The following MYH6 variants were observed in gnomAD, a reference collection of about 807,000 sequenced individuals.
MYH6 encodes the protein myosin-6.
A neutral mutation model predicts 223.2 loss-of-function variants in MYH6; 126 were observed. That is an observed-to-expected ratio of 0.56 (90% CI 0.49 to 0.65). The LOEUF (loss-of-function observed/expected upper bound fraction) is 0.65. Ranked by LOEUF, MYH6 falls within the 30% of genes least tolerant of loss-of-function variation. The pLI is 0.00. For synonymous variants in MYH6, 978 were observed against 1,010.2 expected (o/e 0.97, Z 0.61); for missense variants, 2,040 against 2,536.4 (o/e 0.80, Z 4.20).
At position 23,402,790 on chromosome 14, in the gene MYH6, C is replaced by T. The variant is rs17091623; in HGVS notation, c.909G>A (p.Leu303=). The change falls in exon 11 of 39, where the codon CTG becomes CTA. Residue 303 remains leucine (L), a synonymous_variant. Coordinates refer to ENST00000405093, the MANE Select transcript of MYH6 (RefSeq NM_002471.4). ...NKKPELLDML[L]VTNNPYDYAF... is the part of the protein sequence containing the mutation. ...CGTAGTCGTAGGGATTGTTGGTGAC[C>T]AGCAGCATGTCTGCACCAGGCAAGG... is the stretch of plus-strand genomic sequence containing the variant. The T allele has an allele frequency of 5.4e-3, 8,635 of 1,611,546 alleles. 314 individuals are homozygous for T. In the African/African-American group the frequency reaches 0.087, roughly 16 times the overall value.
intron 3 of MYH6, among the ~76,000 whole-genome samples, chr14:23,406,265 G>C (rs1231288364): frequency 6.6e-6 from 1 of 152,224 alleles, no homozygotes; most frequent in Non-Finnish European, 1.5e-5. Context: ...ATTGGCAGCA[G>C]TCAGTTTGCC....
Position 23,405,111 on chromosome 14 carries a change from G to A in MYH6, c.519C>T (p.Ser173=). 6.2e-7 allele frequency: 1 copy of A among 1,614,024 alleles called. No homozygotes were observed. The highest frequency in any genetic ancestry group is 8.5e-7 in the Non-Finnish European group (1 of 1,180,038). The part of the protein sequence containing the change: ...QYMLTDRENQ[S]ILITGESGAG... ...TGGCACTCGCTCACGTGATGAGGAT[G>A]GACTGGTTCTCCCGATCTGGAAGAA... The change falls in exon 6 of 39, where the codon TCC becomes TCT. Residue 173 remains serine, a synonymous_variant. Coordinates refer to ENST00000405093, the MANE Select transcript of MYH6 (RefSeq NM_002471.4). This position sits in a 1 kb window ranked among gnomAD's most constrained non-coding sequence, Gnocchi z 4.7.
intron 23 of MYH6, 46 bp from the exon 24 acceptor site, chr14:23,393,103 C>A (rs532706566): frequency 1.2e-6 from 2 of 1,612,322 alleles, no homozygotes; most frequent in East Asian, 4.5e-5. Context: ...ACATGAAATC[C>A]ATAGTGTATG....
In MYH6 at chr14:23,400,730, G is replaced by T. The variant is rs771613733; in HGVS notation, c.1389C>A (p.Ile463=). 1.2e-6 allele frequency: 2 copies of T among 1,614,250 alleles called. No homozygotes were observed. The highest frequency in any genetic ancestry group is 1.7e-6 in the Non-Finnish European group (2 of 1,180,052). The part of the protein sequence containing the change: ...PRQYFIGVLD[I]AGFEIFDFNS... ...TCACGTCGAAGATCTCGAAGCCAGC[G>T]ATGTCCAGGACTCCTATGAAGTACT... The change falls in exon 13 of 39, where the codon ATC becomes ATA. Residue 463 remains isoleucine (I), a synonymous_variant. Transcript: ENST00000405093.
In MYH6 at chr14:23,405,726, G is replaced by A. The variant is rs1200929535; in HGVS notation, c.246C>T (p.Pro82=). The change falls in exon 4 of 39, where the codon CCC becomes CCT. Residue 82 remains proline (P), a synonymous_variant. Transcript: ENST00000405093. This position sits in a 1 kb window ranked among gnomAD's most constrained non-coding sequence, Gnocchi z 4.7. ...CCATGTCCTCAATCTTGTCGAACTT[G>A]GGTGGGTTCTGCTGCAACACCTGGT... ...KEDQVLQQNP[P]KFDKIEDMAM... 1.2e-6 allele frequency: 2 copies of A among 1,614,164 alleles called. No homozygotes were observed. Among genetic ancestry groups the A allele is most frequent in the Non-Finnish European group, 8.5e-7 (1 of 1,180,026 alleles).
At position 23,399,837 on chromosome 14, in the gene MYH6, G is replaced by A. The variant is rs1236862555; in HGVS notation, c.1581+419C>T. The A allele has an allele frequency of 1.4e-5, 4 of 277,248 alleles. 1 individual carries two copies. The highest frequency in any genetic ancestry group is 1.3e-3 in the Middle Eastern group (1 of 776). 17.2% of individuals were successfully genotyped at this position (277,248 alleles called of 1,614,324 possible). A position where few individuals can be genotyped will look rare whatever the true frequency, so the allele number is the denominator to read the frequency against. On this transcript the variant is annotated intron_variant, in intron 14 of 38. Coordinates refer to ENST00000405093, the MANE Select transcript of MYH6 (RefSeq NM_002471.4). ...TCAGCCCCAGCCTATGGGGCCTCCC[G>A]CCTGCGGCCTTGTCTCTTCTGAGGA...
rs778761305 is a variant in MYH6 at position 23,390,371 on chromosome 14, C to G, written c.3418G>C (p.Asp1140His). ...ARAKVEKLRS[D>H]LSRELEEISE... The stretch of plus-strand genomic sequence containing the variant: ...ATCTCCTCCAGCTCCCGAGACAGGT[C>G]TGAGCGCAGCTTCTCCACCTTAGCC... The change falls in exon 26 of 39, where the codon GAC becomes CAC. Residue 1140 changes from aspartate to histidine, a missense_variant. Coordinates refer to ENST00000405093, the MANE Select transcript of MYH6 (RefSeq NM_002471.4). 6 of 1,606,794 alleles carry G rather than the reference C, an allele frequency of 3.7e-6. No individual in the cohort carries two copies. The East Asian group carries it at 6.7e-5, about 18-fold the overall frequency.
At chr14:23,382,368 C>T (rs1206729680) in intron 38 of MYH6, 60 bp downstream of exon 38, 4 of 1,610,944 alleles carry the variant, frequency 2.5e-6, no homozygotes, top group Non-Finnish European at 3.4e-6. Context: ...CTGAAGGGCA[C>T]CCATATCAGG....
intron 3 of MYH6, among the ~76,000 whole-genome samples, chr14:23,406,300 C>T (rs1891784950): frequency 6.6e-6 from 1 of 152,158 alleles, no homozygotes; most frequent in African/African-American, 2.4e-5. Context: ...TTAGATCCTG[C>T]CAGTAGGTAT....
At chr14:23,406,570 C>T (rs1365264111) in intron 3 of MYH6, among the ~76,000 whole-genome samples, 1 of 152,168 alleles carries the variant, frequency 6.6e-6, no homozygotes, top group East Asian at 1.9e-4. Context: ...GAGTGCCAGT[C>T]AAGGAGAGTG....
At chr14:23,388,681 G>A (rs968735178) in intron 29 of MYH6, 178 bp downstream of exon 29, 1 of 1,083,796 alleles carries the variant, frequency 9.2e-7, no homozygotes, top group Admixed American at 1.7e-5. Context: ...AAGTGGGTCA[G>A]GGCCAGCCAG....
Position 23,398,831 on chromosome 14 carries a change from T to C in MYH6, c.1788A>G (p.Glu596=), listed in dbSNP as rs1595060502. The stretch of plus-strand genomic sequence containing the variant: ...TCTCGTTGAGAGGATCCTTGTTTTT[T>C]TCCAGCCAGCCCAGGATGTTGTAGT... ...TVDYNILGWL[E]KNKDPLNETV... Residue 596 remains glutamate, a synonymous_variant, in exon 15 of 39, where the codon GAA becomes GAG. Transcript: ENST00000405093. 5 of 1,614,206 alleles carry C rather than the reference T, an allele frequency of 3.1e-6. No homozygotes were observed. In the East Asian group the frequency reaches 1.1e-4, roughly 36 times the overall value.
chr14:23,389,072 G>GGGGGGGGGGC lies in MYH6; in HGVS notation c.3979-18_3979-17insGCCCCCCCCC. The GGGGGGGGGGC allele has an allele frequency of 4.4e-6, 5 of 1,135,142 alleles. No homozygotes were observed. The highest frequency in any genetic ancestry group is 5.2e-6 in the Non-Finnish European group (4 of 774,124). 70.3% of individuals were successfully genotyped at this position (1,135,142 alleles called of 1,614,324 possible). ...GTTCTTCGCCTGGGGAGGGGGGGGG[G>GGGGGGGGGGC]CACCAGGAGGTGGGAGGGACTCCCT... On this transcript the variant is annotated splice_polypyrimidine_tract_variant and intron_variant, in intron 28 of 38. Coordinates refer to ENST00000405093, the MANE Select transcript of MYH6 (RefSeq NM_002471.4).
intron 15 of MYH6, among the ~76,000 whole-genome samples, chr14:23,398,445 C>G (rs367998911): frequency 5.3e-4 from 81 of 152,344 alleles, no homozygotes; most frequent in African/African-American, 1.8e-3. Context: ...GCATCGTTCC[C>G]TGCTGGGCAT....
At chr14:23,404,538 G>T in intron 7 of MYH6, 150 bp from the exon 8 acceptor site, 1 of 1,128,880 alleles carries the variant, frequency 8.9e-7, no homozygotes, top group Non-Finnish European at 1.3e-6. Context: ...ATCCTACCCA[G>T]ACCTCAGGGT....
chr14:23,398,780 G>A lies in MYH6; in HGVS notation c.1839C>T (p.Ser613=). 6.2e-7 allele frequency: 1 copy of A among 1,614,188 alleles called. No homozygotes were observed. Among genetic ancestry groups the A allele is most frequent in the Non-Finnish European group, 8.5e-7 (1 of 1,180,042 alleles). ...AGAGAGTGGCCATGAGCTTGAGGGAGGACTTCTGGTACAGGGCCACAACAG... is the reference window on the plus strand; with the variant it reads ...AGAGAGTGGCCATGAGCTTGAGGGAAGACTTCTGGTACAGGGCCACAACAG... ...NETVVALYQK[S]SLKLMATLFS... is the part of the protein sequence containing the mutation. The change falls in exon 15 of 39, where the codon TCC becomes TCT. Residue 613 remains serine, a synonymous_variant. Transcript: ENST00000405093.
chr14:23,396,431 G>A lies in MYH6; in HGVS notation c.2293-11C>T, dbSNP rs753859925. On this transcript the variant is annotated splice_polypyrimidine_tract_variant and intron_variant, in intron 19 of 38. Coordinates refer to ENST00000405093, the MANE Select transcript of MYH6 (RefSeq NM_002471.4). ...TGCCTTGAAGAACACCTGCAGGCAA[G>A]GGGTAGATGCAACAGGCCGCAGCCT... 4 of 1,613,200 alleles carry A rather than the reference G, an allele frequency of 2.5e-6. No homozygotes were observed. Among genetic ancestry groups the A allele is most frequent in the East Asian group, 4.5e-5 (2 of 44,892 alleles).
At position 23,407,064 on chromosome 14, in the gene MYH6, G is replaced by A. The variant is rs369366244; in HGVS notation, c.160C>T (p.Arg54Trp). The A allele has an allele frequency of 2.2e-5, 36 of 1,613,998 alleles. No individual in the cohort carries two copies. The highest frequency in any genetic ancestry group is 1.6e-4 in the Middle Eastern group (1 of 6,084). ...TCAGCAATGACCTTGCCTCCCTCCC[G>A]GGACAAAATCTTGGCTTTGACAAAC... ...EEFVKAKILS[R>W]EGGKVIAETE... Residue 54 changes from arginine (R) to tryptophan (W), a missense_variant, in exon 3 of 39, where the codon CGG becomes TGG. By Grantham distance (101) the Arg-to-Trp change is moderately radical. Around this residue, in one of 4 missense-constraint regions of MYH6, gnomAD observed 184 missense variants for 232.4 expected, o/e 0.79. Transcript: ENST00000405093. The surrounding 1 kb of genome is among the most constrained non-coding windows in gnomAD (Gnocchi z 5.6).
Position 23,403,331 on chromosome 14 carries a change from G to A in MYH6, c.898+17C>T. The A allele has an allele frequency of 6.2e-7, 1 of 1,603,580 alleles. No homozygotes were observed. The highest frequency in any genetic ancestry group is 8.5e-7 in the Non-Finnish European group (1 of 1,170,486). On this transcript the variant is annotated intron_variant, in intron 10 of 38. Transcript: ENST00000405093. ...CAGCAGGGACAGCAGTGGGTGGGGG[G>A]TGGCAGGCAGGTTCACCCAGCAACT...
Sources: gnomAD v4.1 joint callset for allele counts (sites outside exome capture counted in the v4.1 genomes callset) on GRCh38, gnomAD v4.1.1 for gene constraint, gnomAD v4.1.1 regional missense constraint, Gnocchi (gnomAD v3.1) non-coding constraint, MANE v1.5 for transcripts, NCBI Gene and HGNC (gene_info 2026-07-23, HGNC 2026-07-21) for gene names.